Variants in WDFY4 observed in about 807,000 individuals in gnomAD.
WDFY4 encodes WD repeat- and FYVE domain-containing protein 4.
In WDFY4, 169 loss-of-function variants were observed where a neutral mutation model predicts 351.9. The observed-to-expected ratio is 0.48, with a 90% CI of 0.42 to 0.55. WDFY4 has a LOEUF of 0.55. WDFY4 is among the 20% of genes least tolerant of loss of function. WDFY4 has a pLI of 0.00. For missense variants in WDFY4, 3,803 were observed against 3,935.6 expected (o/e 0.97, Z 0.90); for synonymous variants, 1,622 against 1,574.6 (o/e 1.03, Z -0.71).
At chr10:48,839,902 G>C (rs1467346733) in intron 39 of WDFY4, among the ~76,000 whole-genome samples, 1 of 152,224 alleles carries the variant, frequency 6.6e-6, no homozygotes, top group Non-Finnish European at 1.5e-5. Context: ...TGGAATATTG[G>C]TTTTCTTAAT....
chr10:48,835,929 A>AG, intron 39 of WDFY4, among the ~76,000 whole-genome samples: 1 of 152,402 alleles, frequency 6.6e-6, no homozygotes, highest in Non-Finnish European at 1.5e-5. Context: ...GGATGGGCAC[A>AG]GTGCCTGCTA....
intron 6 of WDFY4, among the ~76,000 whole-genome samples, chr10:48,727,162 C>T (rs1000346834): frequency 1.3e-5 from 2 of 152,186 alleles, no homozygotes; most frequent in Non-Finnish European, 2.9e-5. Context: ...GAGATGAGCT[C>T]AGGTCTTGCA....
intron 27 of WDFY4, among the ~76,000 whole-genome samples, chr10:48,807,519 T>C (rs2067299858): frequency 6.6e-6 from 1 of 152,244 alleles, no homozygotes; most frequent in Non-Finnish European, 1.5e-5. Flanking sequence ...ACTTGCATAA[T>C]ATCAGTGCAT....
intron 2 of WDFY4, among the ~76,000 whole-genome samples, chr10:48,712,303 C>T (rs1226986510): frequency 6.6e-6 from 1 of 152,204 alleles, no homozygotes; most frequent in Non-Finnish European, 1.5e-5. Flanking sequence ...GTCCACAGCT[C>T]ATGGAAAGTA....
At chr10:48,922,836 C>T (rs1839213950) in intron 47 of WDFY4, among the ~76,000 whole-genome samples, 1 of 152,064 alleles carries the variant, frequency 6.6e-6, no homozygotes, top group Non-Finnish European at 1.5e-5. Context: ...TCTGAAAAAG[C>T]CATAACTTTA....
chr10:48,974,862 G>A lies in WDFY4; in HGVS notation c.8929G>A (p.Ala2977Thr), dbSNP rs955810147. Residue 2977 changes from alanine (A) to threonine (T), a missense_variant and splice_region_variant, in exon 58 of 62, where the codon GCC becomes ACC. Physicochemically the swap from Ala to Thr is moderately conservative, Grantham distance 58 (BLOSUM62 0). Around this residue, in one of 3 missense-constraint regions of WDFY4, gnomAD observed 3,054 missense variants for 3,148.6 expected, o/e 0.97. Coordinates refer to ENST00000325239, the MANE Select transcript of WDFY4 (RefSeq NM_001394531.1). ...GRPRGLRLRQALYGHTQAVTC... is the reference protein window; with the variant it reads ...GRPRGLRLRQTLYGHTQAVTC... ...CTAACCTGTGAGTCTCTGTCCCCAG[G>A]CCTTGTATGGACACACACAGGCTGT... 21 of 1,539,898 alleles carry A rather than the reference G, an allele frequency of 1.4e-5. No individual in the cohort carries two copies. Among genetic ancestry groups the A allele is most frequent in the Non-Finnish European group, 1.7e-5 (19 of 1,139,558 alleles).
chr10:48,704,431 C>G (rs114975608), intron 1 of WDFY4, among the ~76,000 whole-genome samples: 13 of 152,216 alleles, frequency 8.5e-5, no homozygotes, highest in African/African-American at 2.6e-4. Flanking sequence ...GGACACAGCA[C>G]GGCCGGCAGG....
intron 47 of WDFY4, among the ~76,000 whole-genome samples, chr10:48,907,097 A>C (rs996966807): frequency 6.6e-5 from 10 of 152,248 alleles, no homozygotes; most frequent in Admixed American, 2.0e-4. Flanking sequence ...AGTTCTCTGC[A>C]TGAATGGGAG....
intron 39 of WDFY4, among the ~76,000 whole-genome samples, chr10:48,842,470 C>T (rs893225673): frequency 6.6e-6 from 1 of 152,118 alleles, no homozygotes; most frequent in African/African-American, 2.4e-5. Flanking sequence ...GTGGTGCGGT[C>T]CGCGGCTGCC....
intron 57 of WDFY4, 89 bp from the exon 58 acceptor site, chr10:48,974,773 C>T (rs1209547313): frequency 6.0e-6 from 8 of 1,339,850 alleles, no homozygotes; most frequent in Non-Finnish European, 8.0e-6. Context: ...TTTCCTCATC[C>T]AGCACCCAGC....
At chr10:48,727,780 C>A in intron 7 of WDFY4, 121 bp downstream of exon 7, 1 of 1,251,988 alleles carries the variant, frequency 8.0e-7, no homozygotes, top group Non-Finnish European at 1.1e-6. Flanking sequence ...AGAGAGACCT[C>A]TTATTTGCAA....
chr10:48,867,919 T>C (rs2069610963), intron 40 of WDFY4, among the ~76,000 whole-genome samples: 1 of 152,212 alleles, frequency 6.6e-6, no homozygotes, highest in African/African-American at 2.4e-5. Context: ...TATAAAAAAA[T>C]GCAGAGATTA....
At chr10:48,740,080 G>A (rs2064804026) in intron 11 of WDFY4, among the ~76,000 whole-genome samples, 1 of 152,150 alleles carries the variant, frequency 6.6e-6, no homozygotes, top group Admixed American at 6.5e-5. Context: ...ACTAACAGAA[G>A]CGCTTATTCA....
intron 19 of WDFY4, among the ~76,000 whole-genome samples, chr10:48,781,008 T>C (rs766586318): frequency 1.3e-5 from 2 of 152,132 alleles, no homozygotes; most frequent in Non-Finnish European, 2.9e-5. Context: ...CTAAATGCCA[T>C]AGTGTTCCTC....
intron 13 of WDFY4, among the ~76,000 whole-genome samples, chr10:48,769,051 G>A (rs1229646408): frequency 2.0e-5 from 3 of 152,182 alleles, no homozygotes; most frequent in Non-Finnish European, 2.9e-5. Context: ...TGAGATCCTG[G>A]ACTTCTGTTT....
At chr10:48,715,721 A>G (rs1770489124) in intron 2 of WDFY4, among the ~76,000 whole-genome samples, 2 of 151,666 alleles carry the variant, frequency 1.3e-5, no homozygotes, top group South Asian at 4.2e-4. Context: ...CGCCTCCCAG[A>G]TTCATGCCAT....
intron 12 of WDFY4, among the ~76,000 whole-genome samples, chr10:48,750,645 T>G (rs1246982426): frequency 6.6e-6 from 1 of 152,264 alleles, no homozygotes; most frequent in East Asian, 1.9e-4. Context: ...TGTGTAATCT[T>G]CCTTGGTTTC....
chr10:48,877,752 G>C (rs2070083203), intron 43 of WDFY4, among the ~76,000 whole-genome samples: 1 of 152,214 alleles, frequency 6.6e-6, no homozygotes, highest in South Asian at 2.1e-4. Flanking sequence ...ACAGGCCCAG[G>C]AGGCAGGCTG....
intron 40 of WDFY4, among the ~76,000 whole-genome samples, chr10:48,869,222 G>C (rs2069666306): frequency 6.6e-6 from 1 of 152,162 alleles, no homozygotes; most frequent in Non-Finnish European, 1.5e-5. Context: ...TTCCAGAAAA[G>C]TCAGGTCCAA....
Sources: gnomAD v4.1 joint callset for allele counts (sites outside exome capture counted in the v4.1 genomes callset) on GRCh38, gnomAD v4.1.1 for gene constraint, gnomAD v4.1.1 regional missense constraint, MANE v1.5 for transcripts, NCBI Gene and HGNC (gene_info 2026-07-23, HGNC 2026-07-21) for gene names.